The following TYW1B variants were observed in gnomAD, a reference collection of about 807,000 sequenced individuals.
TYW1B encodes the protein tRNA-yW synthesizing protein 1 homolog B, also known as S-adenosyl-L-methionine-dependent tRNA 4-demethylwyosine synthase TYW1B.
Under a neutral mutation model 86.9 loss-of-function variants are expected in TYW1B, and 73 were observed. The ratio of observed to expected loss-of-function variants is 0.84; its 90% confidence interval spans 0.70 to 1.02. TYW1B has a LOEUF of 1.02. Ranked by LOEUF, TYW1B falls within the 50% of genes least tolerant of loss-of-function variation. The pLI is 0.00. For missense variants in TYW1B, 637 were observed against 827.4 expected, an observed-to-expected ratio of 0.77 and a Z score of 2.82; for synonymous variants, 248 against 292.8, an observed-to-expected ratio of 0.85 and a Z score of 1.56.
intron 9 of TYW1B, among the ~76,000 whole-genome samples, chr7:72,725,370 G>A (rs1271075588): frequency 1.6e-4 from 24 of 152,082 alleles, no homozygotes; most frequent in African/African-American, 5.3e-4. Flanking sequence ...GAGACTCCAG[G>A]ATGTCCAGGA....
intron 11 of TYW1B, among the ~76,000 whole-genome samples, chr7:72,670,902 G>A (rs576535226): frequency 1.2e-4 from 19 of 152,240 alleles, no homozygotes; most frequent in Admixed American, 2.0e-4. Context: ...AAATATACAC[G>A]ATGTATTTTT....
intron 11 of TYW1B, among the ~76,000 whole-genome samples, chr7:72,667,494 A>G (rs1479958770): frequency 4.6e-5 from 7 of 152,168 alleles, no homozygotes; most frequent in Non-Finnish European, 1.0e-4. Flanking sequence ...CCGGGCAGAT[A>G]GCTTCAGCTC....
chr7:72,637,291 T>A (rs1812693414), intron 11 of TYW1B, among the ~76,000 whole-genome samples: 1 of 151,902 alleles, frequency 6.6e-6, no homozygotes, highest in African/African-American at 2.4e-5. Flanking sequence ...TTGGACGAGG[T>A]TTTAAATTTA....
At chr7:72,726,721 T>C (rs1213226158) in intron 9 of TYW1B, among the ~76,000 whole-genome samples, 1 of 152,206 alleles carries the variant, frequency 6.6e-6, no homozygotes, top group East Asian at 1.9e-4. Context: ...TTTGCATGAC[T>C]TTTCTCCATT....
chr7:72,615,475 CT>C (rs2129568390), intron 13 of TYW1B, among the ~76,000 whole-genome samples: 1 of 152,282 alleles, frequency 6.6e-6, no homozygotes, highest in South Asian at 2.1e-4. Context: ...CAGAAGAGAT[CT>C]TCTGATCCTA....
At chr7:72,807,004 C>T in intron 5 of TYW1B, 62 bp downstream of exon 5, 1 of 1,561,934 alleles carries the variant, frequency 6.4e-7, no homozygotes, top group Non-Finnish European at 8.7e-7. Flanking sequence ...AGGAAGAGCT[C>T]AAGCTCGAGA....
chr7:72,731,316 C>A (rs1370557239), intron 8 of TYW1B, among the ~76,000 whole-genome samples: 4 of 142,440 alleles, frequency 2.8e-5, no homozygotes, highest in African/African-American at 1.0e-4. Flanking sequence ...AAAGTATAAA[C>A]TCACTGGTAG....
chr7:72,805,806 C>T (rs1251845854), intron 5 of TYW1B, among the ~76,000 whole-genome samples: 1 of 152,060 alleles, frequency 6.6e-6, no homozygotes, highest in Admixed American at 6.6e-5. Flanking sequence ...AAGGATGCCA[C>T]AGCCCCAAAG....
At chr7:72,624,126 G>T (rs868994483) in intron 12 of TYW1B, among the ~76,000 whole-genome samples, 3 of 152,122 alleles carry the variant, frequency 2.0e-5, no homozygotes, top group Admixed American at 1.3e-4. Flanking sequence ...TCCTCTATTT[G>T]AGAAATTTTT....
chr7:72,828,150 C>A lies in TYW1B; in HGVS notation c.-75G>T, dbSNP rs117976320. ...AGGTTCGCACTGGTACTGCGAGACG[C>A]ACCGAGCTACCTCGCGGCGTTAGCG... On this transcript the variant is annotated 5_prime_UTR_variant, in exon 1 of 14. Coordinates refer to ENST00000620995, the MANE Select transcript of TYW1B (RefSeq NM_001145440.3). 23,110 of 1,603,186 alleles carry A rather than the reference C, an allele frequency of 0.014. 196 individuals carry two copies. Among genetic ancestry groups the A allele is most frequent in the Non-Finnish European group, 0.017 (19,882 of 1,175,104 alleles).
intron 3 of TYW1B, among the ~76,000 whole-genome samples, chr7:72,811,368 T>G (rs1285609639): frequency 9.9e-5 from 15 of 151,132 alleles, no homozygotes; most frequent in South Asian, 4.2e-4. Context: ...AGAACACACC[T>G]GGGGAAAATA....
At chr7:72,704,618 A>C (rs1295797819) in intron 10 of TYW1B, among the ~76,000 whole-genome samples, 2 of 151,916 alleles carry the variant, frequency 1.3e-5, no homozygotes, top group Non-Finnish European at 2.9e-5. Context: ...TCTTATCTCA[A>C]GTAATGGGTT....
At chr7:72,662,974 C>T (rs1239287419) in intron 11 of TYW1B, among the ~76,000 whole-genome samples, 2 of 152,008 alleles carry the variant, frequency 1.3e-5, no homozygotes, top group African/African-American at 4.8e-5. Flanking sequence ...TTTTTATTTC[C>T]CTTTCCTGTA....
intron 6 of TYW1B, among the ~76,000 whole-genome samples, chr7:72,784,956 C>A (rs1554472198): frequency 6.6e-6 from 1 of 151,994 alleles, no homozygotes; most frequent in African/African-American, 2.4e-5. Context: ...CCTACCCCAT[C>A]TTCCTTCTCT....
At chr7:72,766,088 T>C (rs765972592) in intron 7 of TYW1B, among the ~76,000 whole-genome samples, 20 of 152,254 alleles carry the variant, frequency 1.3e-4, no homozygotes, top group Non-Finnish European at 2.6e-4. Flanking sequence ...AATAAGAAAA[T>C]GTCTGCGTTA....
chr7:72,644,271 AG>A (rs1299134857), intron 11 of TYW1B, among the ~76,000 whole-genome samples: 2 of 152,144 alleles, frequency 1.3e-5, no homozygotes, highest in Non-Finnish European at 2.9e-5. Flanking sequence ...AACAGTAGGT[AG>A]GGGGCTGGGG....
chr7:72,607,084 G>C (rs138411841), intron 13 of TYW1B, among the ~76,000 whole-genome samples: 39 of 152,184 alleles, frequency 2.6e-4, no homozygotes, highest in Non-Finnish European at 4.9e-4. Context: ...TGCTTCAATG[G>C]GCTATTAAAA....
chr7:72,791,356 C>T (rs1554473370), intron 6 of TYW1B, among the ~76,000 whole-genome samples: 1 of 150,276 alleles, frequency 6.7e-6, no homozygotes, highest in Non-Finnish European at 1.5e-5. Context: ...CAACATGACA[C>T]CAAAGTGTGT....
chr7:72,779,900 T>TA (rs1168161705), intron 6 of TYW1B, among the ~76,000 whole-genome samples: 1 of 149,908 alleles, frequency 6.7e-6, no homozygotes, highest in African/African-American at 2.4e-5. Context: ...CTATCTGTCC[T>TA]AAAAGTCAGC....
Sources: gnomAD v4.1 joint callset for allele counts (sites outside exome capture counted in the v4.1 genomes callset) on GRCh38, gnomAD v4.1.1 for gene constraint, MANE v1.5 for transcripts, NCBI Gene and HGNC (gene_info 2026-07-23, HGNC 2026-07-21) for gene names.